The following SGPP2 variants were observed in gnomAD, a reference collection of about 807,000 sequenced individuals.
The protein encoded by SGPP2 is sphingosine 1-phosphate phosphohydrolase 2.
SGPP2 carries 30 observed loss-of-function variants against 33.9 expected under a neutral mutation model. The ratio of observed to expected loss-of-function variants is 0.89; its 90% CI spans 0.66 to 1.20. SGPP2 has a LOEUF of 1.20. SGPP2 is among the 50% of genes most tolerant of loss of function. The pLI, the probability that SGPP2 is intolerant of heterozygous loss-of-function variation, is 0.00. For synonymous variants in SGPP2, 233 were observed against 225.0 expected, an observed-to-expected ratio of 1.04 and a Z score of -0.32; for missense variants, 458 against 532.1, an observed-to-expected ratio of 0.86 and a Z score of 1.37.
chr2:222,432,059 T>A (rs1697165067), intron 1 of SGPP2, among the ~76,000 whole-genome samples: 1 of 152,226 alleles, frequency 6.6e-6, no homozygotes, highest in African/African-American at 2.4e-5. Context: ...ACTGCAGAAT[T>A]TGGACTTTAT....
At chr2:222,522,543 C>T (rs1320371473) in intron 3 of SGPP2, among the ~76,000 whole-genome samples, 1 of 152,144 alleles carries the variant, frequency 6.6e-6, no homozygotes, top group Non-Finnish European at 1.5e-5. Flanking sequence ...GCTTAAATGC[C>T]AATTATAGTA....
intron 2 of SGPP2, among the ~76,000 whole-genome samples, chr2:222,478,637 G>A (rs1250262167): frequency 6.6e-6 from 1 of 152,196 alleles, no homozygotes; most frequent in Non-Finnish European, 1.5e-5. Context: ...AAACTCACTG[G>A]AAGGCAACTT....
At chr2:222,448,269 G>C (rs554723973) in intron 1 of SGPP2, among the ~76,000 whole-genome samples, 1 of 152,188 alleles carries the variant, frequency 6.6e-6, no homozygotes, top group African/African-American at 2.4e-5. Flanking sequence ...CTCAATGCAT[G>C]ATTTTTACCA....
At chr2:222,425,129 T>A (rs997006326) in intron 1 of SGPP2, among the ~76,000 whole-genome samples, 1 of 152,178 alleles carries the variant, frequency 6.6e-6, no homozygotes, top group African/African-American at 2.4e-5. Flanking sequence ...ATGTAAGAGT[T>A]ACGTAATGGA....
In SGPP2 at chr2:222,498,944, A is replaced by G. The variant is rs141903015; in HGVS notation, c.379-22823A>G. ...CTTTCTGGTTGATTTCTGTGTTCATATGGAAACCAGTATTTCTCAGAAGTC... is the reference window on the plus strand; with the variant it reads ...CTTTCTGGTTGATTTCTGTGTTCATGTGGAAACCAGTATTTCTCAGAAGTC... On this transcript the variant is annotated intron_variant, in intron 2 of 4. Transcript: ENST00000321276. Among the ~76,000 whole-genome samples, 1,220 of 152,358 alleles carry G rather than the reference A, an allele frequency of 8.0e-3. 10 individuals are homozygous for G. Among genetic ancestry groups the G allele is most frequent in the Non-Finnish European group, 0.011 (768 of 68,038 alleles).
chr2:222,552,598 T>C (rs1319437792), intron 4 of SGPP2, among the ~76,000 whole-genome samples: 5 of 152,170 alleles, frequency 3.3e-5, no homozygotes, highest in Admixed American at 3.3e-4. Flanking sequence ...TAGTGGCTCA[T>C]GCCTGTAATC....
intron 1 of SGPP2, among the ~76,000 whole-genome samples, chr2:222,444,554 T>C (rs971016321): frequency 7.9e-5 from 12 of 152,192 alleles, no homozygotes; most frequent in African/African-American, 2.9e-4. Flanking sequence ...CTTGAAGAGC[T>C]CTCAGTGCAT....
rs1027110358 is a variant in SGPP2, at chr2:222,493,989, C to T, written c.378+19263C>T. Among the ~76,000 whole-genome samples, 5 of 152,170 alleles carry T rather than the reference C, an allele frequency of 3.3e-5. No individual in the cohort carries two copies. The South Asian group carries it at 1.0e-3, about 31-fold the overall frequency. ...CTAATTAATTTCCCTCTGTTTTAAT[C>T]TTTATAAAAGAACAACCTGATGTCA... On this transcript the variant is annotated intron_variant, in intron 2 of 4. Coordinates refer to ENST00000321276, the MANE Select transcript of SGPP2 (RefSeq NM_152386.4).
intron 3 of SGPP2, among the ~76,000 whole-genome samples, chr2:222,524,696 C>T (rs147476344): frequency 9.8e-5 from 15 of 152,306 alleles, no homozygotes; most frequent in African/African-American, 2.4e-4. Context: ...AGTCCTACTA[C>T]GTCTCACGTG....
chr2:222,502,737 T>C (rs535845422), intron 2 of SGPP2, among the ~76,000 whole-genome samples: 90 of 152,206 alleles, frequency 5.9e-4, no homozygotes, highest in Non-Finnish European at 1.1e-3. Context: ...TTATTATCAA[T>C]ACACCATGCT....
At chr2:222,515,873 C>A (rs991248255) in intron 2 of SGPP2, among the ~76,000 whole-genome samples, 2 of 151,926 alleles carry the variant, frequency 1.3e-5, no homozygotes, top group Admixed American at 6.5e-5. Flanking sequence ...CATGGTGAAA[C>A]CCCATCTCTA....
chr2:222,433,598 T>C (rs1437853514), intron 1 of SGPP2, among the ~76,000 whole-genome samples: 1 of 152,178 alleles, frequency 6.6e-6, no homozygotes, highest in African/African-American at 2.4e-5. Flanking sequence ...TTGTCTGACT[T>C]GGCAGAAATT....
At chr2:222,463,862 C>A (rs1697702628) in intron 1 of SGPP2, among the ~76,000 whole-genome samples, 1 of 152,118 alleles carries the variant, frequency 6.6e-6, no homozygotes, top group Non-Finnish European at 1.5e-5. Context: ...TTTGGCAGTG[C>A]CTTTTAATGC....
chr2:222,509,764 A>G (rs1320194420), intron 2 of SGPP2, among the ~76,000 whole-genome samples: 1 of 152,252 alleles, frequency 6.6e-6, no homozygotes, highest in Non-Finnish European at 1.5e-5. Flanking sequence ...AAATTGAGAT[A>G]TAATCCACAT....
intron 1 of SGPP2, among the ~76,000 whole-genome samples, chr2:222,456,954 T>A (rs916465221): frequency 6.6e-6 from 1 of 152,134 alleles, no homozygotes; most frequent in African/African-American, 2.4e-5. Context: ...CAAAGCGCCA[T>A]GAAAGACTCT....
intron 4 of SGPP2, among the ~76,000 whole-genome samples, chr2:222,540,817 GTT>G (rs750932260): frequency 1.6e-4 from 17 of 108,422 alleles, no homozygotes; most frequent in Admixed American, 3.3e-4. Context: ...CTTATAAACT[GTT>G]TTTTTTTTTT....
chr2:222,517,238 C>G (rs577998301), intron 2 of SGPP2, among the ~76,000 whole-genome samples: 1 of 152,330 alleles, frequency 6.6e-6, no homozygotes, highest in South Asian at 2.1e-4. Context: ...TAGGAACAGG[C>G]ATTCCTGTTT....
chr2:222,458,214 ATT>A (rs34748357), intron 1 of SGPP2, among the ~76,000 whole-genome samples: 1 of 145,914 alleles, frequency 6.9e-6, no homozygotes, highest in Admixed American at 6.8e-5. Flanking sequence ...ATGCCTAGCT[ATT>A]TTTTTTTTTT....
chr2:222,456,392 A>C (rs1559148837), intron 1 of SGPP2, among the ~76,000 whole-genome samples: 2 of 152,190 alleles, frequency 1.3e-5, no homozygotes, highest in Non-Finnish European at 2.9e-5. Flanking sequence ...CTTGAAATGC[A>C]ACTGGTACTA....
Sources: gnomAD v4.1 joint callset for allele counts (sites outside exome capture counted in the v4.1 genomes callset) on GRCh38, gnomAD v4.1.1 for gene constraint, MANE v1.5 for transcripts, NCBI Gene and HGNC (gene_info 2026-07-23, HGNC 2026-07-21) for gene names.